The following CHMP4C variants were observed in gnomAD, a reference collection of about 807,000 sequenced individuals.
The protein encoded by CHMP4C is SNF7 homolog associated with Alix 3.
Under a neutral mutation model 29.0 loss-of-function variants are expected in CHMP4C, and 28 were observed. That is an observed-to-expected ratio of 0.97 (90% CI 0.72 to 1.32). The LOEUF is 1.32. CHMP4C is among the 40% of genes most tolerant of loss of function. The pLI, the probability that CHMP4C is intolerant of heterozygous loss-of-function variation, is 0.00. For synonymous variants in CHMP4C, 106 were observed against 102.4 expected (o/e 1.04, Z -0.21); for missense variants, 291 against 281.0 (o/e 1.04, Z -0.25).
At chr8:81,732,897 G>A in intron 1 of CHMP4C, 81 bp downstream of exon 1, 1 of 1,354,852 alleles carries the variant, frequency 7.4e-7, no homozygotes, top group Non-Finnish European at 1.0e-6. Flanking sequence ...ACACCACTGA[G>A]GTCCCCAGGT....
chr8:81,748,924 TAA>T (rs34505643), intron 1 of CHMP4C, among the ~76,000 whole-genome samples: 13 of 120,278 alleles, frequency 1.1e-4, no homozygotes, highest in Admixed American at 8.6e-5. Context: ...AGACTCTGTG[TAA>T]AAAAAAAAAA....
rs1271921696 is a variant in CHMP4C, at chr8:81,759,044, G to C, written c.*500G>C. On this transcript the variant is annotated 3_prime_UTR_variant, in exon 5 of 5. Coordinates refer to ENST00000297265, the MANE Select transcript of CHMP4C (RefSeq NM_152284.4). ...ATACATTTAGTATAGCGGGGGGTGG[G>C]GGGGAGAAATAATGTTATTTCCTAT... 2 of 150,082 alleles carry C rather than the reference G, an allele frequency of 1.3e-5. No individual in the cohort carries two copies. Among genetic ancestry groups the C allele is most frequent in the South Asian group, 2.1e-4 (1 of 4,702 alleles). The allele number at this position is 150,082 out of a possible 1,614,324, so 9.3% of individuals were successfully genotyped here.
rs1808632618 is a variant in CHMP4C at position 81,732,654 on chromosome 8, G to C, written c.28G>C (p.Gly10Arg). Residue 10 changes from glycine (G) to arginine (R), a missense_variant, in exon 1 of 5, where the codon GGG (glycine) becomes CGG (arginine). Coordinates refer to ENST00000297265, the MANE Select transcript of CHMP4C (RefSeq NM_152284.4). ...GAGCAAGTTGGGCAAGTTCTTTAAA[G>C]GGGGCGGCTCTTCTAAGAGCCGAGC... Reference protein sequence around the residue: MSKLGKFFKGGGSSKSRAAP... With the variant: MSKLGKFFKRGGSSKSRAAP... 1 of 1,560,648 alleles carries C rather than the reference G, an allele frequency of 6.4e-7. No individual in the cohort carries two copies. The highest frequency in any genetic ancestry group is 1.4e-5 in the African/African-American group (1 of 73,572).
At chr8:81,748,359 TA>T (rs1433355180) in intron 1 of CHMP4C, among the ~76,000 whole-genome samples, 1 of 152,154 alleles carries the variant, frequency 6.6e-6, no homozygotes, top group Non-Finnish European at 1.5e-5. Context: ...ATTAAGAGAT[TA>T]AAATAAAGAC....
In CHMP4C at chr8:81,755,504, G is replaced by A. The variant is rs767027802; in HGVS notation, c.483+20G>A. On this transcript the variant is annotated intron_variant, in intron 3 of 4. Coordinates refer to ENST00000297265, the MANE Select transcript of CHMP4C (RefSeq NM_152284.4). Reference sequence around the variant, plus strand: ...GATGAGGTACGTAACCCAATATGAAGAATGCAGGATTGTGGCTGCTATAAA... The same window carrying A: ...GATGAGGTACGTAACCCAATATGAAAAATGCAGGATTGTGGCTGCTATAAA... The A allele has an allele frequency of 9.1e-6, 13 of 1,429,346 alleles. No individual in the cohort carries two copies. The highest frequency in any genetic ancestry group is 1.3e-5 in the Non-Finnish European group (13 of 1,013,170). 88.5% of individuals were successfully genotyped at this position (1,429,346 alleles called of 1,614,324 possible).
intron 1 of CHMP4C, among the ~76,000 whole-genome samples, chr8:81,744,913 G>A (rs754478602): frequency 7.2e-5 from 11 of 152,122 alleles, no homozygotes; most frequent in East Asian, 3.8e-4. Flanking sequence ...AAGTAAAGAC[G>A]TTCAGTGAAA....
chr8:81,733,356 C>T (rs138661246), intron 1 of CHMP4C, among the ~76,000 whole-genome samples: 23 of 152,204 alleles, frequency 1.5e-4, no homozygotes, highest in Non-Finnish European at 2.8e-4. Context: ...TCTAGGCCAG[C>T]CTTGCTGACT....
At chr8:81,734,415 C>T (rs1808659043) in intron 1 of CHMP4C, among the ~76,000 whole-genome samples, 1 of 152,208 alleles carries the variant, frequency 6.6e-6, no homozygotes, top group East Asian at 1.9e-4. Flanking sequence ...ACCGCAACCT[C>T]TGCCGCCCAG....
chr8:81,755,210 TAA>T (rs1403182585), intron 2 of CHMP4C, among the ~76,000 whole-genome samples, 158 bp from the exon 3 acceptor site: 2 of 152,168 alleles, frequency 1.3e-5, no homozygotes, highest in African/African-American at 2.4e-5. Flanking sequence ...TTTTAAAATA[TAA>T]GTTATCTTTA....
At chr8:81,748,660 G>A (rs1049966352) in intron 1 of CHMP4C, among the ~76,000 whole-genome samples, 6 of 152,176 alleles carry the variant, frequency 3.9e-5, no homozygotes, top group Middle Eastern at 6.8e-3. Context: ...GCTTAGGGCT[G>A]GGTGTGATGG....
intron 3 of CHMP4C, among the ~76,000 whole-genome samples, chr8:81,756,623 C>A (rs1040125089): frequency 2.6e-5 from 4 of 152,054 alleles, no homozygotes; most frequent in Admixed American, 2.0e-4. Flanking sequence ...TTCCAAAATT[C>A]TATTCTCAAT....
Position 81,732,634 on chromosome 8 carries a change from A to G in CHMP4C, c.8A>G (p.Lys3Arg), listed in dbSNP as rs200400451. 1,277 of 1,548,248 alleles carry G rather than the reference A, an allele frequency of 8.2e-4. 2 individuals carry two copies. Among genetic ancestry groups the G allele is most frequent in the Non-Finnish European group, 1.1e-3 (1,224 of 1,146,548 alleles). The change falls in exon 1 of 5, where the codon AAG becomes AGG. Residue 3 changes from lysine (K) to arginine (R), a missense_variant. Lys to Arg is a conservative substitution (Grantham distance 26). Transcript: ENST00000297265. MS[K>R]LGKFFKGGGS... Reference sequence around the variant, plus strand: ...CCTCCGAACTCCACAGCAATGAGCAAGTTGGGCAAGTTCTTTAAAGGGGGC... The same window carrying G: ...CCTCCGAACTCCACAGCAATGAGCAGGTTGGGCAAGTTCTTTAAAGGGGGC...
intron 1 of CHMP4C, 55 bp from the exon 2 acceptor site, chr8:81,753,009 C>G: frequency 6.8e-7 from 1 of 1,475,968 alleles, no homozygotes; most frequent in Non-Finnish European, 9.2e-7. Context: ...GCAAACATCT[C>G]TTGATTTAGT....
chr8:81,748,511 T>C lies in CHMP4C; in HGVS notation c.191-4553T>C, dbSNP rs138426108. Among the ~76,000 whole-genome samples the C allele has an allele frequency of 9.7e-3, 1,470 of 152,290 alleles. 24 individuals are homozygous for C. Among genetic ancestry groups the C allele is most frequent in the African/African-American group, 0.033 (1,389 of 41,554 alleles). ...AATTTGGGGAACTAATAAATGTCCA[T>C]AAAATCTTCACAATCCATGTTCTTC... On this transcript the variant is annotated intron_variant, in intron 1 of 4. Coordinates refer to ENST00000297265, the MANE Select transcript of CHMP4C (RefSeq NM_152284.4).
intron 1 of CHMP4C, among the ~76,000 whole-genome samples, chr8:81,741,048 G>T (rs1396906791): frequency 6.6e-6 from 1 of 152,138 alleles, no homozygotes; most frequent in African/African-American, 2.4e-5. Context: ...TCAGAAACTG[G>T]AGTATTTTTG....
chr8:81,757,776 A>G (rs1808990175), intron 3 of CHMP4C, among the ~76,000 whole-genome samples: 1 of 152,194 alleles, frequency 6.6e-6, no homozygotes, highest in Non-Finnish European at 1.5e-5. Context: ...AAAGAAAAAC[A>G]TTTATTTCCA....
intron 1 of CHMP4C, among the ~76,000 whole-genome samples, chr8:81,747,510 TA>T: frequency 6.6e-6 from 1 of 152,150 alleles, no homozygotes; most frequent in African/African-American, 2.4e-5. Flanking sequence ...CTTCATAGGA[TA>T]CTCTGCTGAA....
chr8:81,751,428 T>C (rs1443242628), intron 1 of CHMP4C, among the ~76,000 whole-genome samples: 1 of 152,122 alleles, frequency 6.6e-6, no homozygotes, highest in African/African-American at 2.4e-5. Context: ...ATGATTTCAA[T>C]CAAACCTTTC....
chr8:81,734,440 C>T (rs1367040572), intron 1 of CHMP4C, among the ~76,000 whole-genome samples: 3 of 151,728 alleles, frequency 2.0e-5, no homozygotes, highest in Non-Finnish European at 4.4e-5. Context: ...AAGCGATTCT[C>T]CTGCCTCAGC....
Sources: allele counts gnomAD v4.1 joint callset (sites outside exome capture counted in the v4.1 genomes callset), GRCh38; gene constraint gnomAD v4.1.1; transcripts MANE v1.5; gene names NCBI Gene and HGNC (gene_info 2026-07-23, HGNC 2026-07-21).